The following NDOR1 variants were observed in gnomAD, a reference collection of about 807,000 sequenced individuals.
NDOR1 encodes NADPH dependent diflavin oxidoreductase 1.
A neutral mutation model predicts 67.2 loss-of-function variants in NDOR1; 61 were observed. That is an observed-to-expected ratio of 0.91 (90% confidence interval 0.74 to 1.12). The LOEUF is 1.12. Among genes scored for constraint, NDOR1 ranks in the 50% most tolerant of loss-of-function variants. The pLI, the probability that NDOR1 is intolerant of heterozygous loss-of-function variation, is 0.00. For missense variants in NDOR1, 878 were observed against 802.8 expected, an observed-to-expected ratio of 1.09 and a Z score of -1.13; for synonymous variants, 378 against 343.7, an observed-to-expected ratio of 1.10 and a Z score of -1.10.
In NDOR1 at chr9:137,216,427, T is replaced by TGCCCGTGCCC; in HGVS notation, c.*12_*21dup. ...GAGACGTGGGCCTGAGGCCCGCGGC[T>TGCCCGTGCCC]GCCCGTGCCCCCTCTGACAGCCATC... On this transcript the variant is annotated 3_prime_UTR_variant, in exon 14 of 14. Coordinates refer to ENST00000684003, the MANE Select transcript of NDOR1 (RefSeq NM_014434.4). 6.3e-7 allele frequency: 1 copy of TGCCCGTGCCC among 1,591,778 alleles called. No homozygotes were observed. The highest frequency in any genetic ancestry group is 8.5e-7 in the Non-Finnish European group (1 of 1,172,710).
chr9:137,207,202 G>T (rs1177592992), intron 2 of NDOR1, among the ~76,000 whole-genome samples: 1 of 152,082 alleles, frequency 6.6e-6, no homozygotes, highest in Non-Finnish European at 1.5e-5. Flanking sequence ...GAGATGCACA[G>T]GACAGGCAGC....
At chr9:137,214,472 G>C in intron 6 of NDOR1, 59 bp downstream of exon 6, 1 of 1,611,180 alleles carries the variant, frequency 6.2e-7, no homozygotes, top group Non-Finnish European at 8.5e-7. Flanking sequence ...TCTGGGGTTC[G>C]GAGGAGGCTG....
Position 137,217,835 on chromosome 9 carries a change from C to T in NDOR1, c.*1419C>T. ...GTGCCCTGGGGCCCCCACCCTCCACCTGGCCGACTCCAGCTCTGGGCCTGT... is the reference window on the plus strand; with the variant it reads ...GTGCCCTGGGGCCCCCACCCTCCACTTGGCCGACTCCAGCTCTGGGCCTGT... On this transcript the variant is annotated 3_prime_UTR_variant, in exon 14 of 14. Transcript: ENST00000684003. The T allele has an allele frequency of 5.0e-6, 2 of 397,750 alleles. No homozygotes were observed. Among genetic ancestry groups the T allele is most frequent in the Non-Finnish European group, 8.8e-6 (2 of 226,188 alleles). 24.6% of individuals were successfully genotyped at this position (397,750 alleles called of 1,614,324 possible). A position where few individuals can be genotyped will look rare whatever the true frequency, so the allele number is the denominator to read the frequency against.
intron 2 of NDOR1, 135 bp downstream of exon 2, chr9:137,206,444 C>A: frequency 1.1e-6 from 1 of 930,368 alleles, no homozygotes. Context: ...AGAGAACGTC[C>A]GTGAGTGGGG....
rs1835287950 is a variant in NDOR1, at chr9:137,212,077, C to G, written c.214-425C>G. On this transcript the variant is annotated intron_variant, in intron 2 of 13. Transcript: ENST00000684003. This position sits in a 1 kb window ranked among gnomAD's most constrained non-coding sequence, Gnocchi z 4.3. Reference sequence around the variant, plus strand: ...TGAGTATAGGAGCCTCTGGGACAGACCAACTCAGGGAGTGGAGGCCCACGC... The same window carrying G: ...TGAGTATAGGAGCCTCTGGGACAGAGCAACTCAGGGAGTGGAGGCCCACGC... Among the ~76,000 whole-genome samples, 1 of 152,124 alleles carries G rather than the reference C, an allele frequency of 6.6e-6. No individual in the cohort carries two copies. Among genetic ancestry groups the G allele is most frequent in the African/African-American group, 2.4e-5 (1 of 41,424 alleles).
At chr9:137,215,326 C>A (rs575158518) in intron 9 of NDOR1, 81 bp from the exon 10 acceptor site, 11 of 1,542,504 alleles carry the variant, frequency 7.1e-6, no homozygotes, top group Non-Finnish European at 8.9e-7. Context: ...ACTGCCTCTG[C>A]GGGAGGTAGG....
Position 137,216,514 on chromosome 9 carries a change from G to C in NDOR1, c.*98G>C, listed in dbSNP as rs979929163. 1.0e-5 allele frequency: 15 copies of C among 1,451,434 alleles called. No homozygotes were observed. Among genetic ancestry groups the C allele is most frequent in the Non-Finnish European group, 1.4e-5 (15 of 1,092,862 alleles). 89.9% of individuals were successfully genotyped at this position (1,451,434 alleles called of 1,614,324 possible). On this transcript the variant is annotated 3_prime_UTR_variant, in exon 14 of 14. Coordinates refer to ENST00000684003, the MANE Select transcript of NDOR1 (RefSeq NM_014434.4). ...CCTGGCCAGCAGCCGTCATCCTCTCGGACCAGCCAGCTGGTCCTCTGGGAA... is the reference window on the plus strand; with the variant it reads ...CCTGGCCAGCAGCCGTCATCCTCTCCGACCAGCCAGCTGGTCCTCTGGGAA...
chr9:137,214,536 C>T (rs368880107), intron 6 of NDOR1, 34 bp from the exon 7 acceptor site: 49 of 1,609,996 alleles, frequency 3.0e-5, no homozygotes, highest in South Asian at 9.9e-5. Context: ...CTCCCTGCGG[C>T]GTCCCCACAG....
chr9:137,214,384 T>A lies in NDOR1; in HGVS notation c.693T>A (p.Ile231=), dbSNP rs773212598. The A allele has an allele frequency of 7.4e-6, 12 of 1,613,986 alleles. No individual in the cohort carries two copies. The highest frequency in any genetic ancestry group is 1.3e-5 in the African/African-American group (1 of 74,896). ...GPSHFQDVRL[I]EFDILGSGIS... Reference sequence around the variant, plus strand: ...CCCACTTCCAGGACGTTCGGCTGATTGAGTTTGACATCTTGGGCTCTGGCA... The same window carrying A: ...CCCACTTCCAGGACGTTCGGCTGATAGAGTTTGACATCTTGGGCTCTGGCA... The change falls in exon 6 of 14, where the codon ATT becomes ATA. Residue 231 remains isoleucine, a synonymous_variant. Coordinates refer to ENST00000684003, the MANE Select transcript of NDOR1 (RefSeq NM_014434.4).
At chr9:137,215,381 C>A in intron 9 of NDOR1, 26 bp from the exon 10 acceptor site, 3 of 1,582,740 alleles carry the variant, frequency 1.9e-6, no homozygotes, top group South Asian at 1.1e-5. Flanking sequence ...CTTGTTCCAC[C>A]ACCCCCACCC....
At position 137,212,334 on chromosome 9, in the gene NDOR1, T is replaced by A. The variant is rs1835299956; in HGVS notation, c.214-168T>A. Among the ~76,000 whole-genome samples, 1 of 152,010 alleles carries A rather than the reference T, an allele frequency of 6.6e-6. No individual in the cohort carries two copies. Among genetic ancestry groups the A allele is most frequent in the East Asian group, 1.9e-4 (1 of 5,186 alleles). On this transcript the variant is annotated intron_variant, in intron 2 of 13. Coordinates refer to ENST00000684003, the MANE Select transcript of NDOR1 (RefSeq NM_014434.4). This position sits in a 1 kb window ranked among gnomAD's most constrained non-coding sequence, Gnocchi z 4.3. ...CAGCCCTGCCTCCTCCCGGTGCCCA[T>A]CATCCTGCAGGCTGGACCTGGGCCC...
In NDOR1 at chr9:137,218,690, A is replaced by G. The variant is rs146493165; in HGVS notation, c.*2274A>G. 2,439 of 398,086 alleles carry G rather than the reference A, an allele frequency of 6.1e-3. 39 individuals carry two copies. Among genetic ancestry groups the G allele is most frequent in the African/African-American group, 0.044 (2,141 of 48,744 alleles). The allele number at this position is 398,086 out of a possible 1,614,324, so 24.7% of individuals were successfully genotyped here. On this transcript the variant is annotated 3_prime_UTR_variant, in exon 14 of 14. Transcript: ENST00000684003. ...TGCCTGGGTGCTGTGAGGCCTGATG[A>G]CCAGGCTGGAAAAACCCAAGGTTGG... is the stretch of plus-strand genomic sequence containing the variant.
chr9:137,217,363 C>T lies in NDOR1; in HGVS notation c.*947C>T, dbSNP rs1260154038. 4 of 152,462 alleles carry T rather than the reference C, an allele frequency of 2.6e-5. No individual in the cohort carries two copies. The highest frequency in any genetic ancestry group is 4.8e-5 in the African/African-American group (2 of 41,466). 9.4% of individuals were successfully genotyped at this position (152,462 alleles called of 1,614,324 possible). A position where few individuals can be genotyped will look rare whatever the true frequency, so the allele number is the denominator to read the frequency against. On this transcript the variant is annotated 3_prime_UTR_variant, in exon 14 of 14. Transcript: ENST00000684003. ...GCTGGGAAGGCGGAACCAAGCCGTC[C>T]GTGCCGCTAGGGAGCCGAGACTGCC...
In NDOR1 at chr9:137,215,080, ACT is replaced by A; in HGVS notation, c.1066-10_1066-9del. On this transcript the variant is annotated splice_polypyrimidine_tract_variant and intron_variant, in intron 8 of 13. Coordinates refer to ENST00000684003, the MANE Select transcript of NDOR1 (RefSeq NM_014434.4). The stretch of plus-strand genomic sequence containing the variant: ...ACAGCCACGCTGCAGCCACCCTGAG[ACT>A]CTCTTTGCCTAGGTGCTCTGTGACT... The A allele has an allele frequency of 6.2e-7, 1 of 1,613,210 alleles. No individual in the cohort carries two copies. Among genetic ancestry groups the A allele is most frequent in the East Asian group, 2.2e-5 (1 of 44,844 alleles).
chr9:137,205,731 C>T lies in NDOR1; in HGVS notation c.-47C>T. ...GTCCCTGCAACCCGGCCGGCGGGAA[C>T]TGCCTTCTAGTTTTTAGTCTCAGAC... On this transcript the variant is annotated 5_prime_UTR_variant, in exon 1 of 14. Transcript: ENST00000684003. 6.3e-7 allele frequency: 1 copy of T among 1,597,766 alleles called. No individual in the cohort carries two copies. The highest frequency in any genetic ancestry group is 8.5e-7 in the Non-Finnish European group (1 of 1,178,822).
chr9:137,208,558 C>T (rs1026550482), intron 2 of NDOR1, among the ~76,000 whole-genome samples: 1 of 152,024 alleles, frequency 6.6e-6, no homozygotes, highest in African/African-American at 2.4e-5. Context: ...AGACGTTTGC[C>T]GGGCACAGTG....
chr9:137,208,277 T>C (rs556145604), intron 2 of NDOR1, among the ~76,000 whole-genome samples: 1 of 149,290 alleles, frequency 6.7e-6, no homozygotes, highest in South Asian at 2.1e-4. Flanking sequence ...GTGTGAAACC[T>C]CGTCTCTACT....
intron 2 of NDOR1, among the ~76,000 whole-genome samples, chr9:137,209,746 G>C (rs1382174733): frequency 6.6e-6 from 1 of 152,240 alleles, no homozygotes; most frequent in Admixed American, 6.5e-5. Context: ...GGAGAAAACA[G>C]AGGAACCACA....
At position 137,212,245 on chromosome 9, in the gene NDOR1, G is replaced by A. The variant is rs1292044694; in HGVS notation, c.214-257G>A. Among the ~76,000 whole-genome samples, 1 of 152,170 alleles carries A rather than the reference G, an allele frequency of 6.6e-6. No individual in the cohort carries two copies. The highest frequency in any genetic ancestry group is 2.4e-5 in the African/African-American group (1 of 41,438). On this transcript the variant is annotated intron_variant, in intron 2 of 13. Coordinates refer to ENST00000684003, the MANE Select transcript of NDOR1 (RefSeq NM_014434.4). This position sits in a 1 kb window ranked among gnomAD's most constrained non-coding sequence, Gnocchi z 4.3. ...CAGGAAGGAAGCTCCACGCAGGCCT[G>A]TAGAGCACAGCAGGGTCTGGCTCCT...
Sources: allele counts gnomAD v4.1 joint callset (sites outside exome capture counted in the v4.1 genomes callset), GRCh38; gene constraint gnomAD v4.1.1; non-coding constraint Gnocchi (gnomAD v3.1); transcripts MANE v1.5; gene names NCBI Gene and HGNC (gene_info 2026-07-23, HGNC 2026-07-21).